IMMP2L: variants seen among roughly 807,000 people sequenced by gnomAD.
The protein encoded by IMMP2L is inner mitochondrial membrane peptidase subunit 2.
Under a neutral mutation model 19.3 loss-of-function variants are expected in IMMP2L, and 18 were observed. The ratio of observed to expected loss-of-function variants is 0.93; its 90% CI spans 0.64 to 1.38. IMMP2L has a LOEUF of 1.38. IMMP2L is among the 40% of genes most tolerant of loss of function. The pLI is 0.00. For synonymous variants in IMMP2L, 76 were observed against 73.0 expected (o/e 1.04, Z -0.21); for missense variants, 233 against 218.2 (o/e 1.07, Z -0.43).
rs1280968445 is a variant in IMMP2L at position 111,076,577 on chromosome 7, G to A, written c.240-113012C>T. Among the ~76,000 whole-genome samples, 3 of 152,190 alleles carry A rather than the reference G, an allele frequency of 2.0e-5. No individual in the cohort carries two copies. In the East Asian group the frequency reaches 5.8e-4, roughly 29 times the overall value. ...AGTCTGTAGCTCAGGAATCAGCCCA[G>A]CCTCTGCTGTTGGGACCCTTTGTCC... On this transcript the variant is annotated intron_variant, in intron 3 of 5. Transcript: ENST00000405709.
At chr7:111,412,553 C>T (rs1248366752) in intron 3 of IMMP2L, among the ~76,000 whole-genome samples, 3 of 151,688 alleles carry the variant, frequency 2.0e-5, no homozygotes, top group East Asian at 3.9e-4. Context: ...AAAGAAACCA[C>T]AAGGGAAATT....
chr7:111,505,667 G>T (rs1201957755), intron 2 of IMMP2L, among the ~76,000 whole-genome samples: 1 of 152,106 alleles, frequency 6.6e-6, no homozygotes, highest in Non-Finnish European at 1.5e-5. Flanking sequence ...CATGTCCTTT[G>T]TAGGGACATG....
chr7:111,134,714 C>T (rs1409795461), intron 3 of IMMP2L, among the ~76,000 whole-genome samples: 9 of 151,898 alleles, frequency 5.9e-5, no homozygotes, highest in Non-Finnish European at 1.2e-4. Flanking sequence ...AAAAAACTTT[C>T]GGAGATTTTC....
chr7:111,410,135 T>C (rs1834271696), intron 3 of IMMP2L, among the ~76,000 whole-genome samples: 1 of 151,662 alleles, frequency 6.6e-6, no homozygotes, highest in Non-Finnish European at 1.5e-5. Flanking sequence ...AAGTGAAAAA[T>C]AGCAGGAAAA....
chr7:110,963,049 CG>C lies in IMMP2L; in HGVS notation c.305+450del, dbSNP rs66534116. 2,825 of 1,526,354 alleles carry C rather than the reference CG, an allele frequency of 1.9e-3. 43 individuals carry two copies. The African/African-American group carries it at 0.032, about 17-fold the overall frequency. 94.6% of individuals were successfully genotyped at this position (1,526,354 alleles called of 1,614,324 possible). A position where few individuals can be genotyped will look rare whatever the true frequency, so the allele number is the denominator to read the frequency against. On this transcript the variant is annotated intron_variant, in intron 4 of 5. Transcript: ENST00000405709. ...AAAGCTTTCATTCTTGTCACTGATTCGGAAGTTTCTGTTTCATATCCTTTTC... is the reference window on the plus strand; with the variant it reads ...AAAGCTTTCATTCTTGTCACTGATTCGAAGTTTCTGTTTCATATCCTTTTC...
chr7:111,235,986 A>G (rs1814263962), intron 3 of IMMP2L, among the ~76,000 whole-genome samples: 2 of 151,978 alleles, frequency 1.3e-5, no homozygotes, highest in African/African-American at 4.8e-5. Context: ...AATTTTTTTC[A>G]TCTTAGGTCC....
At chr7:111,273,877 C>A (rs543915340) in intron 3 of IMMP2L, among the ~76,000 whole-genome samples, 1 of 152,184 alleles carries the variant, frequency 6.6e-6, no homozygotes, top group East Asian at 1.9e-4. Context: ...TGAGAGGATG[C>A]AAATACCAAA....
chr7:110,861,514 T>G (rs1212579585), intron 5 of IMMP2L, among the ~76,000 whole-genome samples: 1 of 151,996 alleles, frequency 6.6e-6, no homozygotes, highest in African/African-American at 2.4e-5. Flanking sequence ...TGATCCAGCC[T>G]CAGCCTCCCA....
At chr7:111,114,686 G>A (rs538029552) in intron 3 of IMMP2L, among the ~76,000 whole-genome samples, 1 of 147,964 alleles carries the variant, frequency 6.8e-6, no homozygotes, top group South Asian at 2.1e-4. Flanking sequence ...CAGTGAGTGA[G>A]CCGAGATCGC....
At chr7:111,145,776 C>T (rs1371591647) in intron 3 of IMMP2L, among the ~76,000 whole-genome samples, 1 of 151,902 alleles carries the variant, frequency 6.6e-6, no homozygotes, top group Admixed American at 6.6e-5. Flanking sequence ...TTCTATGAAG[C>T]AAAAACTTGG....
chr7:111,221,476 T>C (rs1409756860), intron 3 of IMMP2L, among the ~76,000 whole-genome samples: 1 of 151,686 alleles, frequency 6.6e-6, no homozygotes, highest in Non-Finnish European at 1.5e-5. Flanking sequence ...TATAGACAAG[T>C]AACAAGCATT....
At chr7:111,467,689 A>C (rs1840811316) in intron 3 of IMMP2L, among the ~76,000 whole-genome samples, 1 of 152,150 alleles carries the variant, frequency 6.6e-6, no homozygotes, top group African/African-American at 2.4e-5. Flanking sequence ...TATATGCAAA[A>C]ATATTCTAGT....
intron 3 of IMMP2L, among the ~76,000 whole-genome samples, chr7:111,220,397 T>C (rs1290296819): frequency 6.6e-6 from 1 of 152,076 alleles, no homozygotes; most frequent in Non-Finnish European, 1.5e-5. Flanking sequence ...TTTCTGAATA[T>C]GTAAAATAAA....
At chr7:110,981,051 G>A (rs1024490512) in intron 3 of IMMP2L, among the ~76,000 whole-genome samples, 9 of 152,090 alleles carry the variant, frequency 5.9e-5, no homozygotes, top group Non-Finnish European at 1.0e-4. Flanking sequence ...TATTAAATCT[G>A]CTTTGAGAGT....
intron 3 of IMMP2L, among the ~76,000 whole-genome samples, chr7:111,058,627 C>A (rs1464192894): frequency 6.6e-6 from 1 of 152,208 alleles, no homozygotes; most frequent in African/African-American, 2.4e-5. Context: ...GTTTGCCACA[C>A]TACCTTCTAA....
intron 3 of IMMP2L, among the ~76,000 whole-genome samples, chr7:111,330,872 A>G (rs1711691705): frequency 6.6e-6 from 1 of 151,902 alleles, no homozygotes; most frequent in African/African-American, 2.4e-5. Context: ...AAAGACCACA[A>G]TGAGATATCA....
At chr7:111,434,301 G>A (rs536430640) in intron 3 of IMMP2L, among the ~76,000 whole-genome samples, 1 of 151,692 alleles carries the variant, frequency 6.6e-6, no homozygotes, top group African/African-American at 2.4e-5. Flanking sequence ...CTGGTCTTTG[G>A]ATTAGGCAAT....
chr7:111,079,000 G>T (rs1183881085), intron 3 of IMMP2L, among the ~76,000 whole-genome samples: 3 of 152,044 alleles, frequency 2.0e-5, no homozygotes, highest in African/African-American at 7.2e-5. Flanking sequence ...AAAGTGCTGG[G>T]ATTACATTGT....
chr7:111,145,824 T>C (rs1586560835), intron 3 of IMMP2L, among the ~76,000 whole-genome samples: 1 of 152,032 alleles, frequency 6.6e-6, no homozygotes, highest in African/African-American at 2.4e-5. Context: ...CAGTTAAAAA[T>C]AAATAAACAA....
Sources: allele counts gnomAD v4.1 joint callset (sites outside exome capture counted in the v4.1 genomes callset), GRCh38; gene constraint gnomAD v4.1.1; transcripts MANE v1.5; gene names NCBI Gene and HGNC (gene_info 2026-07-23, HGNC 2026-07-21).